Variants in DIAPH2 observed in about 807,000 individuals in gnomAD.
The protein encoded by DIAPH2 is diaphanous related formin 2.
Under a neutral mutation model 92.7 loss-of-function variants are expected in DIAPH2, and 35 were observed. The observed-to-expected ratio is 0.38, with a 90% CI of 0.29 to 0.50. The LOEUF (loss-of-function observed/expected upper bound fraction) is 0.50, where lower values mean the gene tolerates loss of function less well. DIAPH2 is among the 20% of genes least tolerant of loss of function. The pLI, the probability that DIAPH2 is intolerant of heterozygous loss-of-function variation, is 0.94. For missense variants in DIAPH2, 701 were observed against 819.5 expected (o/e 0.86, Z 1.77); for synonymous variants, 301 against 280.4 (o/e 1.07, Z -0.73).
chrX:97,485,117 T>C (rs1395810009), intron 26 of DIAPH2, among the ~76,000 whole-genome samples: 1 of 111,782 alleles, frequency 8.9e-6, no homozygotes, highest in Non-Finnish European at 1.9e-5. Flanking sequence ...GAAAAATGTC[T>C]GGGATGTCAA....
At chrX:97,306,630 C>T (rs1196838172) in intron 23 of DIAPH2, among the ~76,000 whole-genome samples, 1 of 111,669 alleles carries the variant, frequency 9.0e-6, no homozygotes, top group Non-Finnish European at 1.9e-5. Context: ...ATCCGTTTAT[C>T]ATTTTCCTTC....
intron 26 of DIAPH2, among the ~76,000 whole-genome samples, chrX:97,517,397 C>T (rs1319390244): frequency 9.0e-6 from 1 of 111,673 alleles, no homozygotes; most frequent in Non-Finnish European, 1.9e-5. Context: ...TCAAACTATG[C>T]CTCTCACAAC....
At chrX:97,458,753 TA>T (rs376113539) in intron 26 of DIAPH2, among the ~76,000 whole-genome samples, 14 of 111,373 alleles carry the variant, frequency 1.3e-4, no homozygotes, top group South Asian at 3.8e-4. Flanking sequence ...GATTACTTCA[TA>T]AAAAAAATGC....
rs1556296884 is a variant in DIAPH2, at chrX:96,916,435, T to TC, written c.733-3_733-2insC. 4 of 1,112,357 alleles carry TC rather than the reference T, an allele frequency of 3.6e-6. No homozygotes were observed. The African/African-American group carries it at 7.7e-5, about 21-fold the overall frequency. 91.7% of individuals were successfully genotyped at this position (1,112,357 alleles called of 1,213,427 possible). On this transcript the variant is annotated splice_polypyrimidine_tract_variant and splice_region_variant and intron_variant, in intron 7 of 26. Transcript: ENST00000324765. ...AATGAAGGTTTTTTTTTTTTTTTTT[T>TC]AGTTTGGATTACAAAGGATTCTAGG... is the stretch of plus-strand genomic sequence containing the variant.
chrX:96,905,390 A>G (rs1048897764), intron 5 of DIAPH2, among the ~76,000 whole-genome samples: 6 of 111,374 alleles, frequency 5.4e-5, no homozygotes, highest in Non-Finnish European at 7.5e-5. Context: ...AGGTTTTGGG[A>G]AACTGTGAAA....
chrX:96,957,208 A>C (rs1602662506), intron 15 of DIAPH2, among the ~76,000 whole-genome samples: 2 of 111,923 alleles, frequency 1.8e-5, no homozygotes, highest in African/African-American at 6.5e-5. Context: ...TTTAGTAGAG[A>C]CAGGGTTTCG....
At chrX:97,565,814 T>A (rs1023860796) in intron 26 of DIAPH2, among the ~76,000 whole-genome samples, 1 of 112,146 alleles carries the variant, frequency 8.9e-6, no homozygotes, top group Non-Finnish European at 1.9e-5. Flanking sequence ...AACACTTTAA[T>A]CTGTGTATCA....
chrX:96,883,268 A>G (rs980898663), intron 5 of DIAPH2, among the ~76,000 whole-genome samples: 3 of 111,721 alleles, frequency 2.7e-5, no homozygotes, highest in African/African-American at 9.7e-5. Context: ...AAACAACAAA[A>G]AATTTTTTAA....
intron 26 of DIAPH2, among the ~76,000 whole-genome samples, chrX:97,526,839 T>G (rs1401521164): frequency 1.8e-5 from 2 of 112,015 alleles, no homozygotes; most frequent in Non-Finnish European, 3.8e-5. Context: ...CGTTTGGTAT[T>G]CTACAAGCCT....
At chrX:97,430,815 G>A (rs1440985355) in intron 26 of DIAPH2, among the ~76,000 whole-genome samples, 7 of 111,960 alleles carry the variant, frequency 6.3e-5, no homozygotes, top group Non-Finnish European at 1.9e-5. Context: ...GATGGCAGAA[G>A]ACAATATATG....
In DIAPH2 at chrX:96,699,217, A is replaced by G. The variant is rs112587798; in HGVS notation, c.132+14027A>G. On this transcript the variant is annotated intron_variant, in intron 1 of 26. Coordinates refer to ENST00000324765, the MANE Select transcript of DIAPH2 (RefSeq NM_006729.5). ...AATTTTTGTTTTTCAAATACTTCTT[A>G]TCAATTTTTACAAATTCATATTTTC... Among the ~76,000 whole-genome samples, 850 of 112,280 alleles carry G rather than the reference A, an allele frequency of 7.6e-3. 7 individuals carry two copies. The highest frequency in any genetic ancestry group is 0.026 in the African/African-American group (814 of 30,920).
At chrX:96,832,166 A>T (rs1412189149) in intron 4 of DIAPH2, among the ~76,000 whole-genome samples, 1 of 112,087 alleles carries the variant, frequency 8.9e-6, no homozygotes, top group Non-Finnish European at 1.9e-5. Context: ...TATTATAAAA[A>T]TGTATGGAAC....
At chrX:97,421,708 T>C (rs961799458) in intron 25 of DIAPH2, among the ~76,000 whole-genome samples, 1 of 112,036 alleles carries the variant, frequency 8.9e-6, no homozygotes, top group Non-Finnish European at 1.9e-5. Context: ...CCCAATCTGG[T>C]CCACTTTGCA....
chrX:97,496,577 G>A (rs1347473374), intron 26 of DIAPH2, among the ~76,000 whole-genome samples: 1 of 110,525 alleles, frequency 9.0e-6, no homozygotes, highest in East Asian at 2.8e-4. Context: ...ATGAATGAAT[G>A]AATATAGTTA....
chrX:97,088,803 G>A (rs1602333686), intron 19 of DIAPH2, among the ~76,000 whole-genome samples: 1 of 111,616 alleles, frequency 9.0e-6, no homozygotes, highest in Non-Finnish European at 1.9e-5. Flanking sequence ...TTTGATTAAC[G>A]CTTCGTTCTA....
In DIAPH2 at chrX:97,600,651, T is replaced by TAAC. The variant is rs757952574; in HGVS notation, c.*1335_*1337dup. ...AAATATGCATTGAAATAATGTGGTA[T>TAAC]AACTTCTCTGGAGTGCAATTTTAAG... On this transcript the variant is annotated 3_prime_UTR_variant, in exon 27 of 27. Transcript: ENST00000324765. 1.8e-3 allele frequency: 200 copies of TAAC among 112,753 alleles called. No individual in the cohort carries two copies. Among genetic ancestry groups the TAAC allele is most frequent in the Non-Finnish European group, 2.7e-3 (144 of 53,263 alleles). 9.3% of individuals were successfully genotyped at this position (112,753 alleles called of 1,213,427 possible).
At chrX:96,722,543 A>G (rs1273997332) in intron 1 of DIAPH2, among the ~76,000 whole-genome samples, 2 of 111,309 alleles carry the variant, frequency 1.8e-5, no homozygotes, top group African/African-American at 6.5e-5. Context: ...TTTGGGCTAC[A>G]TTTAAAATAA....
At chrX:96,911,276 C>G (rs1260862877) in intron 5 of DIAPH2, among the ~76,000 whole-genome samples, 1 of 111,033 alleles carries the variant, frequency 9.0e-6, no homozygotes, top group African/African-American at 3.3e-5. Context: ...TTGGGAGTCT[C>G]CAGGCTTATT....
At chrX:96,835,778 A>G (rs2064882260) in intron 4 of DIAPH2, among the ~76,000 whole-genome samples, 1 of 111,469 alleles carries the variant, frequency 9.0e-6, no homozygotes, top group Admixed American at 9.5e-5. Flanking sequence ...GTGATGTCCA[A>G]GTATCACACT....
Sources: allele counts gnomAD v4.1 joint callset (sites outside exome capture counted in the v4.1 genomes callset), GRCh38; gene constraint gnomAD v4.1.1; transcripts MANE v1.5; gene names NCBI Gene and HGNC (gene_info 2026-07-23, HGNC 2026-07-21).